The following ATP8B1 variants were observed in gnomAD, a reference collection of about 807,000 sequenced individuals.
ATP8B1 encodes the protein phospholipid-transporting ATPase IC.
Under a neutral mutation model 149.9 loss-of-function variants are expected in ATP8B1, and 80 were observed. That is an observed-to-expected ratio of 0.53 (90% confidence interval 0.45 to 0.64). The LOEUF (loss-of-function observed/expected upper bound fraction) is 0.64, where lower values mean the gene tolerates loss of function less well. Ranked by LOEUF, ATP8B1 falls within the 30% of genes least tolerant of loss-of-function variation. The pLI is 0.00. For missense variants in ATP8B1, 1,247 were observed against 1,552.6 expected (o/e 0.80, Z 3.31); for synonymous variants, 536 against 562.8 (o/e 0.95, Z 0.67).
At chr18:57,662,675 G>T (rs1910547617) in intron 20 of ATP8B1, 60 bp from the exon 21 acceptor site, 1 of 1,575,938 alleles carries the variant, frequency 6.3e-7, no homozygotes, top group Non-Finnish European at 8.7e-7. Context: ...CCTTGACTCT[G>T]AGATAACTTT....
At chr18:57,649,802 A>G (rs1206581085) in intron 27 of ATP8B1, among the ~76,000 whole-genome samples, 2 of 152,174 alleles carry the variant, frequency 1.3e-5, no homozygotes, top group Non-Finnish European at 2.9e-5. Flanking sequence ...TAGGTCAGGA[A>G]GTGATACCCA....
At chr18:57,703,918 C>T (rs146447780) in intron 4 of ATP8B1, among the ~76,000 whole-genome samples, 53 of 152,132 alleles carry the variant, frequency 3.5e-4, no homozygotes, top group African/African-American at 1.2e-3. Flanking sequence ...AAGACAAGCA[C>T]AAAATAGCTT....
intron 15 of ATP8B1, among the ~76,000 whole-genome samples, chr18:57,682,855 T>C (rs560249917): frequency 2.0e-5 from 3 of 152,278 alleles, no homozygotes; most frequent in East Asian, 3.9e-4. Context: ...TTGTTTTTTT[T>C]TGAGATAGGG....
intron 16 of ATP8B1, among the ~76,000 whole-genome samples, chr18:57,672,976 C>T (rs374037056): frequency 0.26 from 8,955 of 34,150 alleles, 1,670 homozygotes; most frequent in Middle Eastern, 0.5. Flanking sequence ...TACATATATA[C>T]ACACATATAT....
At chr18:57,680,013 C>T (rs1426104409) in intron 15 of ATP8B1, among the ~76,000 whole-genome samples, 3 of 151,814 alleles carry the variant, frequency 2.0e-5, no homozygotes, top group Non-Finnish European at 4.4e-5. Context: ...TGGTGGCTCA[C>T]ACCTGTAATC....
rs1302793202 is a variant in ATP8B1 at position 57,668,449 on chromosome 18, A to G, written c.2189T>C (p.Val730Ala). The change falls in exon 19 of 28, where the codon GTG becomes GCG. Residue 730 changes from valine to alanine, a missense_variant. Val to Ala is a moderately conservative substitution (Grantham distance 64, BLOSUM62 0). Coordinates refer to ENST00000648908, the MANE Select transcript of ATP8B1 (RefSeq NM_001374385.1). Reference protein sequence around the residue: ...KLAKADIKIWVLTGDKKETAE... With the variant: ...KLAKADIKIWALTGDKKETAE... ...ATTACCCTTTTTGTCTCCAGTAAGC[A>G]CCCAGATCTTAATGTCAGCTTTTGC... 1.9e-6 allele frequency: 3 copies of G among 1,609,484 alleles called. No homozygotes were observed. Among genetic ancestry groups the G allele is most frequent in the Non-Finnish European group, 2.5e-6 (3 of 1,176,798 alleles).
chr18:57,745,614 T>G (rs879655506), intron 1 of ATP8B1, among the ~76,000 whole-genome samples: 5 of 151,592 alleles, frequency 3.3e-5, no homozygotes, highest in African/African-American at 1.2e-4. Flanking sequence ...AAAGCAGGAA[T>G]GGAAACCACA....
At position 57,789,344 on chromosome 18, in the gene ATP8B1, G is replaced by T. The variant is rs1360789920; in HGVS notation, c.-26+13654C>A. Among the ~76,000 whole-genome samples, 3 of 152,156 alleles carry T rather than the reference G, an allele frequency of 2.0e-5. No homozygotes were observed. In the East Asian group the frequency reaches 5.8e-4, roughly 29 times the overall value. ...CCTCGCCTTGTGAGTCTGGAAACAC[G>T]ACTGCAATTTCTGGTTTTGTCAATT... On this transcript the variant is annotated intron_variant, in intron 1 of 27. Coordinates refer to ENST00000648908, the MANE Select transcript of ATP8B1 (RefSeq NM_001374385.1).
At chr18:57,728,888 T>C (rs1431353303) in intron 2 of ATP8B1, among the ~76,000 whole-genome samples, 1 of 151,710 alleles carries the variant, frequency 6.6e-6, no homozygotes, top group African/African-American at 2.4e-5. Context: ...CCGGGCTAAT[T>C]TTTGTATTTT....
chr18:57,671,497 T>C lies in ATP8B1; in HGVS notation c.1903A>G (p.Thr635Ala), dbSNP rs142359986. Residue 635 changes from threonine (T) to alanine (A), a missense_variant, in exon 17 of 28, where the codon ACT becomes GCT. This residue lies in a region of ATP8B1 where 853 missense variants were observed against 1,035.7 expected (regional missense o/e 0.82). Transcript: ENST00000648908. Reference protein sequence around the residue: ...IYERLHRMNPTKQETQDALDI... With the variant: ...IYERLHRMNPAKQETQDALDI... ...AGGGCATCCTGTGTTTCTTGCTTAG[T>C]AGGATTCATTCGATGTAACCGTTCA... 4 of 1,613,716 alleles carry C rather than the reference T, an allele frequency of 2.5e-6. No individual in the cohort carries two copies. The African/African-American group carries it at 4.0e-5, about 16-fold the overall frequency.
At chr18:57,655,135 A>AT in intron 23 of ATP8B1, 59 bp downstream of exon 23, 2 of 1,474,830 alleles carry the variant, frequency 1.4e-6, no homozygotes, top group Non-Finnish European at 1.9e-6. Context: ...TCAGAACTAG[A>AT]TTTTTATTCA....
At chr18:57,691,361 A>G (rs1912518902) in intron 12 of ATP8B1, among the ~76,000 whole-genome samples, 1 of 152,162 alleles carries the variant, frequency 6.6e-6, no homozygotes, top group Non-Finnish European at 1.5e-5. Context: ...TAGTGGCCGG[A>G]AAGCACAAGT....
intron 6 of ATP8B1, among the ~76,000 whole-genome samples, chr18:57,699,198 C>G (rs1213699346): frequency 1.3e-5 from 2 of 152,200 alleles, no homozygotes; most frequent in African/African-American, 4.8e-5. Context: ...TGACTTACAG[C>G]CGTACTTCCA....
intron 1 of ATP8B1, among the ~76,000 whole-genome samples, chr18:57,751,194 T>C (rs1487265225): frequency 1.3e-5 from 2 of 152,056 alleles, no homozygotes; most frequent in African/African-American, 4.8e-5. Flanking sequence ...ATTTAGGCTA[T>C]CAATAAGGAA....
intron 1 of ATP8B1, among the ~76,000 whole-genome samples, chr18:57,795,437 G>T (rs1013521438): frequency 6.6e-6 from 1 of 152,060 alleles, no homozygotes; most frequent in Non-Finnish European, 1.5e-5. Context: ...AATTACAGTA[G>T]CCAGAGGTGA....
At chr18:57,770,327 G>A (rs550386911) in intron 1 of ATP8B1, among the ~76,000 whole-genome samples, 7 of 152,276 alleles carry the variant, frequency 4.6e-5, no homozygotes, top group South Asian at 2.1e-4. Context: ...AATGGGAACC[G>A]CAGTCCAATA....
intron 1 of ATP8B1, among the ~76,000 whole-genome samples, chr18:57,781,385 T>TA (rs2080355266): frequency 6.6e-6 from 1 of 152,212 alleles, no homozygotes; most frequent in African/African-American, 2.4e-5. Context: ...GCAGAGTTGT[T>TA]AAAATCATAA....
intron 4 of ATP8B1, among the ~76,000 whole-genome samples, chr18:57,702,812 A>G (rs112668959): frequency 4.6e-5 from 7 of 151,134 alleles, no homozygotes; most frequent in African/African-American, 1.7e-4. Context: ...AGCTGAGATC[A>G]CGCCATTGCA....
chr18:57,748,962 C>T (rs1403633928), intron 1 of ATP8B1, among the ~76,000 whole-genome samples: 2 of 152,142 alleles, frequency 1.3e-5, no homozygotes, highest in African/African-American at 4.8e-5. Flanking sequence ...GTCTGATTTG[C>T]ATTTAAGAGA....
Sources: gnomAD v4.1 joint callset for allele counts (sites outside exome capture counted in the v4.1 genomes callset) on GRCh38, gnomAD v4.1.1 for gene constraint, gnomAD v4.1.1 regional missense constraint, MANE v1.5 for transcripts, NCBI Gene and HGNC (gene_info 2026-07-23, HGNC 2026-07-21) for gene names.